The following KLHL28 variants were observed in gnomAD, a reference collection of about 807,000 sequenced individuals.
The protein encoded by KLHL28 is kelch like family member 28.
Under a neutral mutation model 48.3 loss-of-function variants are expected in KLHL28, and 22 were observed. That is an observed-to-expected ratio of 0.46 (90% CI 0.33 to 0.65). KLHL28 has a LOEUF of 0.65. Ranked by LOEUF, KLHL28 falls within the 30% of genes least tolerant of loss-of-function variation. The pLI is 0.03. For missense variants in KLHL28, 527 were observed against 704.3 expected, an observed-to-expected ratio of 0.75 and a Z score of 2.85; for synonymous variants, 243 against 242.4, an observed-to-expected ratio of 1.00 and a Z score of -0.02.
chr14:44,943,410 C>A (rs889276871), intron 2 of KLHL28, among the ~76,000 whole-genome samples: 1 of 152,178 alleles, frequency 6.6e-6, no homozygotes, highest in Non-Finnish European at 1.5e-5. Context: ...GTAATCCCAG[C>A]ACTTTGGGAG....
intron 1 of KLHL28, 58 bp from the exon 2 acceptor site, chr14:44,945,986 T>C: frequency 2.2e-6 from 3 of 1,354,232 alleles, no homozygotes; most frequent in Non-Finnish European, 2.1e-6. Flanking sequence ...TCAAAAACAC[T>C]GCTTTTCAAA....
At chr14:44,932,161 T>C (rs942903361) in intron 3 of KLHL28, among the ~76,000 whole-genome samples, 2 of 146,506 alleles carry the variant, frequency 1.4e-5, no homozygotes, top group Admixed American at 1.4e-4. Flanking sequence ...TAGCTAGGAC[T>C]AAAGGTACAT....
At chr14:44,929,387 A>G (rs1017518005) in intron 4 of KLHL28, among the ~76,000 whole-genome samples, 196 bp from the exon 5 acceptor site, 3 of 152,176 alleles carry the variant, frequency 2.0e-5, no homozygotes, top group African/African-American at 7.2e-5. Flanking sequence ...CCTGAAGTCA[A>G]CCATGACTAG....
intron 1 of KLHL28, among the ~76,000 whole-genome samples, chr14:44,955,253 T>A (rs1470178925): frequency 6.6e-6 from 1 of 151,416 alleles, no homozygotes; most frequent in Non-Finnish European, 1.5e-5. Context: ...TTATATATAA[T>A]ACATAAAATA....
intron 1 of KLHL28, among the ~76,000 whole-genome samples, chr14:44,957,306 T>G (rs1259209981): frequency 4.7e-5 from 7 of 150,096 alleles, no homozygotes; most frequent in Non-Finnish European, 5.9e-5. Context: ...TTTTGCACAG[T>G]AAGAGACTTT....
Position 44,931,362 on chromosome 14 carries a change from A to G in KLHL28, c.1523T>C (p.Val508Ala). 6.2e-7 allele frequency: 1 copy of G among 1,613,640 alleles called. No individual in the cohort carries two copies. Among genetic ancestry groups the G allele is most frequent in the Non-Finnish European group, 8.5e-7 (1 of 1,179,606 alleles). The change falls in exon 4 of 5, where the codon GTG (valine) becomes GCG (alanine). Residue 508 changes from valine to alanine, a missense_variant. Val to Ala is a moderately conservative substitution (Grantham distance 64, BLOSUM62 0). Transcript: ENST00000396128. ...RYDPHQNQWT[V>A]CRPMKEPRTG... Reference sequence around the variant, plus strand: ...TCTAGGTTCTTTCATTGGTCTACACACAGTCCACTGATTTTGATGAGGATC... The same window carrying G: ...TCTAGGTTCTTTCATTGGTCTACACGCAGTCCACTGATTTTGATGAGGATC...
intron 1 of KLHL28, among the ~76,000 whole-genome samples, chr14:44,947,553 C>T (rs957926401): frequency 6.6e-6 from 1 of 152,124 alleles, no homozygotes; most frequent in African/African-American, 2.4e-5. Flanking sequence ...TCCTTCCTGT[C>T]TCACTCACAT....
chr14:44,936,518 T>G (rs1883829647), intron 2 of KLHL28, among the ~76,000 whole-genome samples: 1 of 152,062 alleles, frequency 6.6e-6, no homozygotes, highest in African/African-American at 2.4e-5. Flanking sequence ...TTCAGTAGAA[T>G]AAGAGGTAAG....
rs1014633902 is a variant in KLHL28, at chr14:44,924,945, G to A, written c.*4083C>T. 2 of 152,524 alleles carry A rather than the reference G, an allele frequency of 1.3e-5. No individual in the cohort carries two copies. Among genetic ancestry groups the A allele is most frequent in the Non-Finnish European group, 2.9e-5 (2 of 67,974 alleles). 9.4% of individuals were successfully genotyped at this position (152,524 alleles called of 1,614,324 possible). A position where few individuals can be genotyped will look rare whatever the true frequency, so the allele number is the denominator to read the frequency against. ...TTTGTAAACCTATTGTATTAAAAAT[G>A]TATTGTATTCCTCACTCTTTTCAAA... On this transcript the variant is annotated 3_prime_UTR_variant, in exon 5 of 5. Transcript: ENST00000396128.
intron 1 of KLHL28, among the ~76,000 whole-genome samples, chr14:44,954,418 T>C (rs1456280768): frequency 1.3e-5 from 2 of 152,224 alleles, no homozygotes; most frequent in African/African-American, 4.8e-5. Context: ...AAAAGGCAAC[T>C]GACCAAGATT....
chr14:44,940,873 G>A (rs550976831), intron 2 of KLHL28, among the ~76,000 whole-genome samples: 14 of 151,998 alleles, frequency 9.2e-5, no homozygotes, highest in Non-Finnish European at 1.5e-4. Flanking sequence ...AGGCTGAGGC[G>A]GGTGGATCAC....
intron 1 of KLHL28, among the ~76,000 whole-genome samples, chr14:44,957,093 C>T (rs1256603062): frequency 1.3e-5 from 2 of 151,956 alleles, no homozygotes; most frequent in African/African-American, 2.4e-5. Flanking sequence ...CAAAGAGCTG[C>T]GATTACAGGT....
chr14:44,943,917 T>C (rs952357358), intron 2 of KLHL28, among the ~76,000 whole-genome samples: 4 of 152,108 alleles, frequency 2.6e-5, no homozygotes, highest in Non-Finnish European at 5.9e-5. Context: ...GATCTCGTTA[T>C]AATGCCCAGG....
rs576231494 is a variant in KLHL28, at chr14:44,960,336, C to T, written c.-1+1510G>A. ...GTTCTTGGATACAAGAAAGAGTGCACTGGATTTTCAACTTGAAAATTCTGA... is the reference window on the plus strand; with the variant it reads ...GTTCTTGGATACAAGAAAGAGTGCATTGGATTTTCAACTTGAAAATTCTGA... On this transcript the variant is annotated intron_variant, in intron 1 of 4. Transcript: ENST00000396128. Among the ~76,000 whole-genome samples, 17 of 152,292 alleles carry T rather than the reference C, an allele frequency of 1.1e-4. No homozygotes were observed. The South Asian group carries it at 3.5e-3, about 32-fold the overall frequency.
At chr14:44,959,751 A>T (rs1884952440) in intron 1 of KLHL28, among the ~76,000 whole-genome samples, 1 of 152,166 alleles carries the variant, frequency 6.6e-6, no homozygotes, top group African/African-American at 2.4e-5. Context: ...TTTTCAATGT[A>T]TCCTTAACCA....
chr14:44,928,348 A>C lies in KLHL28; in HGVS notation c.*680T>G, dbSNP rs1883443367. ...TCATCCAACGTTAACCTGCCCATAT[A>C]CAAAAGGCATAAACAGTAAATATCT... On this transcript the variant is annotated 3_prime_UTR_variant, in exon 5 of 5. Coordinates refer to ENST00000396128, the MANE Select transcript of KLHL28 (RefSeq NM_017658.5). 1 of 152,148 alleles carries C rather than the reference A, an allele frequency of 6.6e-6. No homozygotes were observed. The highest frequency in any genetic ancestry group is 6.5e-5 in the Admixed American group (1 of 15,284). The allele number at this position is 152,148 out of a possible 1,614,324, so 9.4% of individuals were successfully genotyped here.
chr14:44,959,583 G>C (rs150208188), intron 1 of KLHL28: 11 of 152,192 alleles, frequency 7.2e-5, no homozygotes, highest in Non-Finnish European at 1.0e-4. Flanking sequence ...TGTTATCTCT[G>C]ATTCTGGAAA....
intron 1 of KLHL28, among the ~76,000 whole-genome samples, chr14:44,949,357 T>C (rs1884479114): frequency 6.6e-6 from 1 of 152,142 alleles, no homozygotes; most frequent in African/African-American, 2.4e-5. Context: ...TTTAAAAATT[T>C]ATTTAGAAGA....
In KLHL28 at chr14:44,952,963, G is replaced by A. The variant is rs112642141; in HGVS notation, c.1-7035C>T. On this transcript the variant is annotated intron_variant, in intron 1 of 4. Transcript: ENST00000396128. Reference sequence around the variant, plus strand: ...GAGTAAAAGCATTAATTTTAGAGTCGGACAGATTTGGATTTAAGTCTACAT... The same window carrying A: ...GAGTAAAAGCATTAATTTTAGAGTCAGACAGATTTGGATTTAAGTCTACAT... 4.2e-3 allele frequency among the ~76,000 whole-genome samples: 643 copies of A among 151,376 alleles called. 7 individuals carry two copies. Among genetic ancestry groups the A allele is most frequent in the African/African-American group, 0.014 (585 of 41,256 alleles).
Sources: allele counts gnomAD v4.1 joint callset (sites outside exome capture counted in the v4.1 genomes callset), GRCh38; gene constraint gnomAD v4.1.1; transcripts MANE v1.5; gene names NCBI Gene and HGNC (gene_info 2026-07-23, HGNC 2026-07-21).